Variants in PHYHIPL observed in about 807,000 individuals in gnomAD.
PHYHIPL encodes the protein phytanoyl-CoA hydroxylase-interacting protein-like.
Under a neutral mutation model 33.4 loss-of-function variants are expected in PHYHIPL, and 9 were observed. The ratio of observed to expected loss-of-function variants is 0.27; its 90% CI spans 0.16 to 0.47. The LOEUF (loss-of-function observed/expected upper bound fraction) is 0.47. Ranked by LOEUF, PHYHIPL falls within the 20% of genes least tolerant of loss-of-function variation. The probability of loss-of-function intolerance (pLI) is 0.99; values close to 1 mark genes in which losing one functional copy is unlikely to be tolerated. For missense variants in PHYHIPL, 365 were observed against 460.7 expected (o/e 0.79, Z 1.90); for synonymous variants, 153 against 154.1 (o/e 0.99, Z 0.05).
At position 59,184,514 on chromosome 10, in the gene PHYHIPL, T is replaced by G. The variant is rs565578874; in HGVS notation, c.106+7555T>G. 8.7e-4 allele frequency among the ~76,000 whole-genome samples: 132 copies of G among 152,256 alleles called. 3 individuals are homozygous for G. The highest frequency in any genetic ancestry group is 1.3e-3 in the Non-Finnish European group (91 of 68,010). ...ATTAGGCGAGTCAGGCAGAGAGATGTAGAGACTTGAATAATGTTATCAGGC... is the reference window on the plus strand; with the variant it reads ...ATTAGGCGAGTCAGGCAGAGAGATGGAGAGACTTGAATAATGTTATCAGGC... On this transcript the variant is annotated intron_variant, in intron 1 of 4. Coordinates refer to ENST00000373880, the MANE Select transcript of PHYHIPL (RefSeq NM_032439.4).
At chr10:59,194,915 G>A (rs567624653) in intron 1 of PHYHIPL, among the ~76,000 whole-genome samples, 52 of 152,224 alleles carry the variant, frequency 3.4e-4, no homozygotes, top group African/African-American at 1.3e-3. Flanking sequence ...ACCTGTGAGT[G>A]TAGAAAGCTT....
At chr10:59,209,658 A>T (rs554664543) in intron 1 of PHYHIPL, among the ~76,000 whole-genome samples, 1 of 152,314 alleles carries the variant, frequency 6.6e-6, no homozygotes, top group Admixed American at 6.5e-5. Flanking sequence ...ACACTACCTG[A>T]CTTCAAACTA....
chr10:59,177,261 G>A, intron 1 of PHYHIPL: 1 of 596,406 alleles, frequency 1.7e-6, no homozygotes. Context: ...CTGCCCCGAC[G>A]AGGCGTTTCC....
At chr10:59,210,296 A>T (rs1430239363) in intron 1 of PHYHIPL, among the ~76,000 whole-genome samples, 1 of 152,254 alleles carries the variant, frequency 6.6e-6, no homozygotes, top group East Asian at 1.9e-4. Flanking sequence ...AAAAAAAGAC[A>T]TTTATGCAGC....
rs1022494949 is a variant in PHYHIPL, at chr10:59,200,382, C to G, written c.106+23423C>G. ...TTTTATTGATTTGCGTATGTTAAAC[C>G]AGCCTTGCATCCCAGGGATGAAGCC... On this transcript the variant is annotated intron_variant, in intron 1 of 4. Coordinates refer to ENST00000373880, the MANE Select transcript of PHYHIPL (RefSeq NM_032439.4). Among the ~76,000 whole-genome samples, 3 of 152,298 alleles carry G rather than the reference C, an allele frequency of 2.0e-5. No individual in the cohort carries two copies. In the East Asian group the frequency reaches 5.8e-4, roughly 29 times the overall value.
At chr10:59,210,999 G>A (rs972821336) in intron 1 of PHYHIPL, among the ~76,000 whole-genome samples, 1 of 151,714 alleles carries the variant, frequency 6.6e-6, no homozygotes, top group Non-Finnish European at 1.5e-5. Context: ...GGTGTGGCCA[G>A]TGTATACCTA....
At chr10:59,245,033 G>A in intron 4 of PHYHIPL, 24 bp from the exon 5 acceptor site, 2 of 1,582,512 alleles carry the variant, frequency 1.3e-6, no homozygotes, top group Non-Finnish European at 1.7e-6. Context: ...GTATTAAGCA[G>A]TGACCACTTG....
chr10:59,203,670 G>A (rs1323273264), intron 1 of PHYHIPL, among the ~76,000 whole-genome samples: 2 of 149,996 alleles, frequency 1.3e-5, no homozygotes, highest in Non-Finnish European at 2.9e-5. Context: ...CGCAAGGACA[G>A]AAAGCCAAAC....
At chr10:59,198,669 T>C (rs576322851) in intron 1 of PHYHIPL, among the ~76,000 whole-genome samples, 164 of 152,256 alleles carry the variant, frequency 1.1e-3, no homozygotes, top group East Asian at 3.7e-3. Context: ...ACAGTCCCAC[T>C]AACAGTGTAA....
Position 59,218,718 on chromosome 10 carries a change from A to G in PHYHIPL, c.107-15586A>G, listed in dbSNP as rs565008208. Among the ~76,000 whole-genome samples, 654 of 128,426 alleles carry G rather than the reference A, an allele frequency of 5.1e-3. 3 individuals carry two copies. The highest frequency in any genetic ancestry group is 8.5e-3 in the Non-Finnish European group (451 of 53,250). The allele number at this position is 128,426 out of a possible 152,430, so 84.3% of individuals were successfully genotyped here. A position where few individuals can be genotyped will look rare whatever the true frequency, so the allele number is the denominator to read the frequency against. On this transcript the variant is annotated intron_variant, in intron 1 of 4. Transcript: ENST00000373880. ...ATATAGTTTGAGGGACTCTCTTTAGAAAAAAGAATACATAATTATAAATAT... is the reference window on the plus strand; with the variant it reads ...ATATAGTTTGAGGGACTCTCTTTAGGAAAAAGAATACATAATTATAAATAT...
intron 1 of PHYHIPL, among the ~76,000 whole-genome samples, chr10:59,212,099 A>G (rs909743987): frequency 1.3e-5 from 2 of 151,990 alleles, no homozygotes; most frequent in Admixed American, 6.6e-5. Flanking sequence ...AGAAGAGAAG[A>G]CTTGAACTAG....
At chr10:59,183,122 C>T (rs1391673891) in intron 1 of PHYHIPL, among the ~76,000 whole-genome samples, 1 of 151,778 alleles carries the variant, frequency 6.6e-6, no homozygotes, top group African/African-American at 2.4e-5. Flanking sequence ...AGATTACCCA[C>T]TGATATTCTT....
At chr10:59,187,607 G>A (rs1838649279) in intron 1 of PHYHIPL, among the ~76,000 whole-genome samples, 1 of 152,116 alleles carries the variant, frequency 6.6e-6, no homozygotes, top group Non-Finnish European at 1.5e-5. Context: ...GACCTTTTTT[G>A]GTTGGTAAGC....
chr10:59,175,183 G>C (rs1384127362), upstream of PHYHIPL, among the ~76,000 whole-genome samples: 1 of 151,934 alleles, frequency 6.6e-6, no homozygotes, highest in Admixed American at 6.6e-5. Context: ...CTCTCCTTGG[G>C]GACACCCCTA....
rs1475577726 is a variant in PHYHIPL at position 59,177,036 on chromosome 10, C to T, written c.106+77C>T. ...CGGGGCCACTCTGGCTCCGCCGACG[C>T]CGCTCGCCAGGGCGGCAGGGTCTTT... is the stretch of plus-strand genomic sequence containing the variant. On this transcript the variant is annotated intron_variant, in intron 1 of 4. Transcript: ENST00000373880. 6 of 1,299,454 alleles carry T rather than the reference C, an allele frequency of 4.6e-6. No individual in the cohort carries two copies. The Admixed American group carries it at 7.7e-5, about 17-fold the overall frequency. 80.5% of individuals were successfully genotyped at this position (1,299,454 alleles called of 1,614,324 possible).
At chr10:59,225,131 G>A (rs923507455) in intron 1 of PHYHIPL, among the ~76,000 whole-genome samples, 21 of 24,496 alleles carry the variant, frequency 8.6e-4, no homozygotes, top group Non-Finnish European at 3.3e-3. Flanking sequence ...ATAAGACCTG[G>A]GCCAAAATGA....
At chr10:59,177,050 G>A in intron 1 of PHYHIPL, 91 bp downstream of exon 1, 2 of 1,137,552 alleles carry the variant, frequency 1.8e-6, no homozygotes, top group Non-Finnish European at 1.3e-6. Context: ...TCGCCAGGGC[G>A]GCAGGGTCTT....
chr10:59,235,953 A>C (rs893566397), intron 2 of PHYHIPL, among the ~76,000 whole-genome samples: 1 of 151,976 alleles, frequency 6.6e-6, no homozygotes, highest in South Asian at 2.1e-4. Flanking sequence ...ATTATTGGGT[A>C]GTATAAGTTA....
upstream of PHYHIPL, among the ~76,000 whole-genome samples, chr10:59,176,143 C>A (rs1838243991): frequency 1.3e-5 from 2 of 152,210 alleles, no homozygotes. Flanking sequence ...CCGCAGGGTG[C>A]GGGCAGCGAG....
Sources: gnomAD v4.1 joint callset for allele counts (sites outside exome capture counted in the v4.1 genomes callset) on GRCh38, gnomAD v4.1.1 for gene constraint, MANE v1.5 for transcripts, NCBI Gene and HGNC (gene_info 2026-07-23, HGNC 2026-07-21) for gene names.